The following POR variants were observed in gnomAD, a reference collection of about 807,000 sequenced individuals.
POR encodes the protein cytochrome p450 oxidoreductase.
Under a neutral mutation model 84.0 loss-of-function variants are expected in POR, and 56 were observed. The ratio of observed to expected loss-of-function variants is 0.67; its 90% CI spans 0.54 to 0.83. POR has a LOEUF of 0.83. Among genes scored for constraint, POR ranks in the 40% least tolerant of loss-of-function variants. The probability of loss-of-function intolerance (pLI) is 0.00; values close to 1 mark genes in which losing one functional copy is unlikely to be tolerated. For missense variants in POR, 938 were observed against 944.3 expected, an observed-to-expected ratio of 0.99 and a Z score of 0.09; for synonymous variants, 414 against 400.5, an observed-to-expected ratio of 1.03 and a Z score of -0.40.
Position 75,954,187 on chromosome 7 carries a change from G to C in POR, c.188+7G>C. ...TCACCAAAATTCAGACATTGTAAGT[G>C]CCGCCTCTCAGCCTCCTCTCTCTGT... On this transcript the variant is annotated splice_region_variant and intron_variant, in intron 2 of 15. Transcript: ENST00000461988. 6.2e-7 allele frequency: 1 copy of C among 1,602,702 alleles called. No individual in the cohort carries two copies. Among genetic ancestry groups the C allele is most frequent in the Non-Finnish European group, 8.5e-7 (1 of 1,173,334 alleles).
At chr7:75,951,077 GAAAA>G (rs201423030) in intron 1 of POR, among the ~76,000 whole-genome samples, 1 of 11,298 alleles carries the variant, frequency 8.9e-5, no homozygotes, top group African/African-American at 5.2e-4. Context: ...CCCCCCCCCC[GAAAA>G]AAAAAAAGTC....
intron 1 of POR, among the ~76,000 whole-genome samples, chr7:75,946,568 A>G (rs1554552158): frequency 6.6e-6 from 1 of 152,148 alleles, no homozygotes; most frequent in Non-Finnish European, 1.5e-5. Flanking sequence ...GATTAAAGGC[A>G]TGAGCCACTG....
Position 75,981,572 on chromosome 7 carries a change from C to A in POR, c.697C>A (p.His233Asn), listed in dbSNP as rs1391459914. 1.2e-6 allele frequency: 2 copies of A among 1,613,024 alleles called. No individual in the cohort carries two copies. Among genetic ancestry groups the A allele is most frequent in the African/African-American group, 2.7e-5 (2 of 74,928 alleles). The change falls in exon 7 of 16, where the codon CAC becomes AAC. Residue 233 changes from histidine to asparagine, a missense_variant. Physicochemically the swap from His to Asn is moderately conservative, Grantham distance 68. Coordinates refer to ENST00000461988, the MANE Select transcript of POR (RefSeq NM_000941.3). ...GCAGTTCTGGCCGGCCGTGTGTGAA[C>A]ACTTTGGGGTGGAAGCCACTGGCGA...
chr7:75,928,210 C>T (rs1227677220), intron 1 of POR, among the ~76,000 whole-genome samples: 1 of 152,062 alleles, frequency 6.6e-6, no homozygotes, highest in African/African-American at 2.4e-5. Context: ...ACCTTGTGAT[C>T]CACCCGCCTC....
intron 1 of POR, among the ~76,000 whole-genome samples, chr7:75,947,501 G>C (rs1554552281): frequency 1.3e-5 from 2 of 152,018 alleles, no homozygotes; most frequent in African/African-American, 2.4e-5. Flanking sequence ...CACCATGTTG[G>C]CCAGGCTGGC....
intron 12 of POR, 126 bp downstream of exon 12, chr7:75,985,333 A>C: frequency 7.7e-7 from 1 of 1,298,152 alleles, no homozygotes. Flanking sequence ...GCCCCAGCGC[A>C]GCTCCAAATG....
chr7:75,981,722 T>A, intron 7 of POR, 116 bp downstream of exon 7: 1 of 862,904 alleles, frequency 1.2e-6, no homozygotes, highest in Non-Finnish European at 1.8e-6. Context: ...CACTCCGTCA[T>A]AGGGTCGAGG....
intron 1 of POR, among the ~76,000 whole-genome samples, chr7:75,933,195 A>T (rs1050262792): frequency 6.6e-6 from 1 of 152,046 alleles, no homozygotes; most frequent in Non-Finnish European, 1.5e-5. Flanking sequence ...AGTTGTATAT[A>T]TTTATAGTGT....
At chr7:75,983,039 T>TATA (rs1372321294) in intron 8 of POR, among the ~76,000 whole-genome samples, 1 of 152,170 alleles carries the variant, frequency 6.6e-6, no homozygotes, top group Admixed American at 6.5e-5. Flanking sequence ...GTGGTGGGAC[T>TATA]ATAGAGAGAA....
chr7:75,925,238 TG>T (rs1418189408), intron 1 of POR, among the ~76,000 whole-genome samples: 3 of 152,186 alleles, frequency 2.0e-5, no homozygotes, highest in African/African-American at 7.2e-5. Context: ...CTGGGCGCGA[TG>T]GCTCATGTCT....
chr7:75,976,327 C>T lies in POR; in HGVS notation c.238-3124C>T, dbSNP rs181398113. 2.7e-3 allele frequency among the ~76,000 whole-genome samples: 407 copies of T among 152,114 alleles called. 2 individuals carry two copies. The highest frequency in any genetic ancestry group is 8.9e-3 in the South Asian group (43 of 4,814). On this transcript the variant is annotated intron_variant, in intron 3 of 15. Coordinates refer to ENST00000461988, the MANE Select transcript of POR (RefSeq NM_000941.3). ...GCGTGGTGGCATGCACCTGTAGTCC[C>T]AGGTACTCGGGAGGCTGATGCAGGA...
chr7:75,959,099 G>A (rs1331519704), intron 2 of POR, among the ~76,000 whole-genome samples: 1 of 152,184 alleles, frequency 6.6e-6, no homozygotes, highest in Admixed American at 6.5e-5. Flanking sequence ...GAAGTTGGGT[G>A]TAGTGGTTCA....
chr7:75,966,922 C>A (rs1384426611), intron 2 of POR, among the ~76,000 whole-genome samples: 1 of 152,186 alleles, frequency 6.6e-6, no homozygotes, highest in Non-Finnish European at 1.5e-5. Flanking sequence ...GTGCTCCAGG[C>A]CTGGGACAGC....
intron 1 of POR, among the ~76,000 whole-genome samples, chr7:75,930,711 AG>A (rs1253553105): frequency 5.3e-5 from 8 of 152,082 alleles, no homozygotes; most frequent in African/African-American, 1.7e-4. Context: ...TAGTAAAGAC[AG>A]GGTTTCTCCA....
intron 2 of POR, chr7:75,968,015 G>A: frequency 2.2e-6 from 1 of 454,452 alleles, no homozygotes; most frequent in South Asian, 1.6e-5. Flanking sequence ...GCTGGCCCCT[G>A]CTGGTGTCCA....
chr7:75,947,611 A>G (rs1195745777), intron 1 of POR, among the ~76,000 whole-genome samples: 2 of 152,060 alleles, frequency 1.3e-5, no homozygotes, highest in Non-Finnish European at 2.9e-5. Context: ...TGTGTTTTAA[A>G]TCTTTGCGCT....
intron 1 of POR, among the ~76,000 whole-genome samples, chr7:75,941,776 G>T (rs1160149154): frequency 6.6e-6 from 1 of 152,196 alleles, no homozygotes; most frequent in Non-Finnish European, 1.5e-5. Flanking sequence ...CCAGGTGTTT[G>T]AGACCAGCCT....
intron 6 of POR, 37 bp downstream of exon 6, chr7:75,981,209 G>T (rs1211128134): frequency 4.7e-6 from 7 of 1,499,802 alleles, no homozygotes; most frequent in Non-Finnish European, 6.3e-6. Flanking sequence ...CAGCGCGGCG[G>T]GCTTAGGCAG....
chr7:75,986,574 C>A lies in POR; in HGVS notation c.*93C>A. On this transcript the variant is annotated 3_prime_UTR_variant, in exon 16 of 16. Transcript: ENST00000461988. ...GTCTCCTGGGTGTGTTTGGCTTGGC[C>A]TTGGCATGGGCGCAGGCCCAGTGAC... 6.7e-7 allele frequency: 1 copy of A among 1,481,566 alleles called. No individual in the cohort carries two copies. The allele number at this position is 1,481,566 out of a possible 1,614,324, so 91.8% of individuals were successfully genotyped here. A position where few individuals can be genotyped will look rare whatever the true frequency, so the allele number is the denominator to read the frequency against.
Sources: gnomAD v4.1 joint callset for allele counts (sites outside exome capture counted in the v4.1 genomes callset) on GRCh38, gnomAD v4.1.1 for gene constraint, MANE v1.5 for transcripts, NCBI Gene and HGNC (gene_info 2026-07-23, HGNC 2026-07-21) for gene names.